The following FAM110B variants were observed in gnomAD, a reference collection of about 807,000 sequenced individuals.
FAM110B encodes family with sequence similarity 110 member B, also known as protein FAM110B.
A neutral mutation model predicts 20.4 loss-of-function variants in FAM110B; 6 were observed. The observed-to-expected ratio is 0.29, with a 90% CI of 0.16 to 0.58. The LOEUF (loss-of-function observed/expected upper bound fraction) is 0.58. FAM110B is among the 20% of genes least tolerant of loss of function. The pLI, the probability that FAM110B is intolerant of heterozygous loss-of-function variation, is 0.90. For synonymous variants in FAM110B, 226 were observed against 214.1 expected (o/e 1.06, Z -0.49); for missense variants, 434 against 498.2 (o/e 0.87, Z 1.23).
chr8:58,031,253 A>G (rs1804956020), intron 1 of FAM110B: 1 of 152,204 alleles, frequency 6.6e-6, no homozygotes, highest in African/African-American at 2.4e-5. Context: ...AGGAGGCTCC[A>G]TCATTTTCTG....
chr8:58,109,002 A>G (rs1403367773), intron 3 of FAM110B, among the ~76,000 whole-genome samples: 1 of 152,148 alleles, frequency 6.6e-6, no homozygotes, highest in Non-Finnish European at 1.5e-5. Flanking sequence ...TCGGTGAGGA[A>G]ACTCAACTAC....
chr8:58,122,642 G>A (rs894530288), intron 3 of FAM110B, among the ~76,000 whole-genome samples: 15 of 151,960 alleles, frequency 9.9e-5, no homozygotes, highest in African/African-American at 1.9e-4. Context: ...TTTTAAGTGC[G>A]TTTGCTTTTT....
chr8:58,106,942 G>A (rs972995211), intron 3 of FAM110B, among the ~76,000 whole-genome samples: 3 of 152,082 alleles, frequency 2.0e-5, no homozygotes, highest in African/African-American at 4.8e-5. Flanking sequence ...GAGTTTTAAC[G>A]CTTTGACAAA....
intron 2 of FAM110B, among the ~76,000 whole-genome samples, chr8:58,045,351 G>T (rs1201374678): frequency 6.6e-6 from 1 of 152,194 alleles, no homozygotes; most frequent in Non-Finnish European, 1.5e-5. Flanking sequence ...GAGGATTTAA[G>T]CATCTTGAGG....
rs575664765 is a variant in FAM110B at position 58,030,896 on chromosome 8, C to T, written c.-511-710C>T. ...ATCTCCAAGTGCAGCGAAAGCAGAA[C>T]ATGTCCAGCAGAAGCAGCTTTCCTC... On this transcript the variant is annotated intron_variant, in intron 1 of 3. Transcript: ENST00000519262. Among the ~76,000 whole-genome samples, 45 of 152,282 alleles carry T rather than the reference C, an allele frequency of 3.0e-4. 2 individuals are homozygous for T. The South Asian group carries it at 8.9e-3, about 30-fold the overall frequency.
chr8:58,134,038 T>C (rs1803553127), intron 3 of FAM110B, among the ~76,000 whole-genome samples: 1 of 152,254 alleles, frequency 6.6e-6, no homozygotes, highest in South Asian at 2.1e-4. Context: ...AAATATGTGC[T>C]GCAATAAATA....
intron 1 of FAM110B, among the ~76,000 whole-genome samples, chr8:58,011,701 G>A (rs1383633045): frequency 1.3e-5 from 2 of 152,092 alleles, no homozygotes; most frequent in African/African-American, 2.4e-5. Context: ...TCTCTTCCAC[G>A]CCAGCAAACC....
rs60027491 is a variant in FAM110B at position 58,103,002 on chromosome 8, G to GAAA, written c.-325+27399_-325+27401dup. ...TATTATATAGTACAATGCTTGTTAT[G>GAAA]AAAAAAAAAAAAAAAAAAAAAAGGC... On this transcript the variant is annotated intron_variant, in intron 3 of 3. Transcript: ENST00000519262. Among the ~76,000 whole-genome samples, 461 of 99,194 alleles carry GAAA rather than the reference G, an allele frequency of 4.6e-3. 9 individuals carry two copies. Among genetic ancestry groups the GAAA allele is most frequent in the South Asian group, 0.021 (50 of 2,372 alleles). 65.1% of individuals were successfully genotyped at this position (99,194 alleles called of 152,430 possible). A position where few individuals can be genotyped will look rare whatever the true frequency, so the allele number is the denominator to read the frequency against.
At chr8:58,053,183 G>A (rs1805488071) in intron 2 of FAM110B, among the ~76,000 whole-genome samples, 1 of 152,150 alleles carries the variant, frequency 6.6e-6, no homozygotes, top group Admixed American at 6.5e-5. Flanking sequence ...GCAGAAGTGA[G>A]GTGCTGTGTT....
intron 3 of FAM110B, among the ~76,000 whole-genome samples, chr8:58,136,150 T>C (rs567165668): frequency 1.1e-4 from 17 of 152,078 alleles, no homozygotes; most frequent in African/African-American, 3.6e-4. Flanking sequence ...TAGCTGGGAT[T>C]ACAGGCACGT....
At position 58,147,454 on chromosome 8, in the gene FAM110B, T is replaced by C; in HGVS notation, c.*111T>C. The C allele has an allele frequency of 7.5e-7, 1 of 1,330,504 alleles. No individual in the cohort carries two copies. The highest frequency in any genetic ancestry group is 1.0e-6 in the Non-Finnish European group (1 of 974,276). The allele number at this position is 1,330,504 out of a possible 1,614,324, so 82.4% of individuals were successfully genotyped here. On this transcript the variant is annotated 3_prime_UTR_variant, in exon 4 of 4. Coordinates refer to ENST00000519262, the MANE Select transcript of FAM110B (RefSeq NM_001377989.1). ...TCTCCACTCTTTGTGTTGCTTGTTGTGCAATGTTTTCAAGTTGCATGCTTG... is the reference window on the plus strand; with the variant it reads ...TCTCCACTCTTTGTGTTGCTTGTTGCGCAATGTTTTCAAGTTGCATGCTTG...
intron 2 of FAM110B, among the ~76,000 whole-genome samples, chr8:58,046,599 A>T (rs1378615233): frequency 6.6e-6 from 1 of 152,250 alleles, no homozygotes; most frequent in South Asian, 2.1e-4. Flanking sequence ...GTACATAGGT[A>T]TGTAATTTCT....
chr8:58,031,364 C>T (rs1804959036), intron 1 of FAM110B: 1 of 152,140 alleles, frequency 6.6e-6, no homozygotes, highest in Non-Finnish European at 1.5e-5. Flanking sequence ...AATACACAGG[C>T]TCTCATTTAG....
chr8:58,133,852 A>G (rs567217014), intron 3 of FAM110B, among the ~76,000 whole-genome samples: 1 of 152,336 alleles, frequency 6.6e-6, no homozygotes, highest in African/African-American at 2.4e-5. Context: ...AAGGAGCTTA[A>G]TGGCAGAGCT....
chr8:58,083,115 T>G (rs966217787), intron 3 of FAM110B, among the ~76,000 whole-genome samples: 4 of 152,216 alleles, frequency 2.6e-5, no homozygotes, highest in African/African-American at 4.8e-5. Flanking sequence ...TCTATCTTTT[T>G]GCTCACTGCC....
intron 2 of FAM110B, among the ~76,000 whole-genome samples, chr8:58,036,894 T>TCTCCAAGTA (rs1805084755): frequency 6.6e-6 from 1 of 152,210 alleles, no homozygotes. Context: ...GAATTTTTCT[T>TCTCCAAGTA]CTCCAAGTAC....
At chr8:58,006,402 A>C (rs1804401682) in intron 1 of FAM110B, among the ~76,000 whole-genome samples, 1 of 152,080 alleles carries the variant, frequency 6.6e-6, no homozygotes, top group Non-Finnish European at 1.5e-5. Flanking sequence ...GGCCTAAGGG[A>C]CTGTGACAGT....
chr8:58,132,144 C>A (rs1046740248), intron 3 of FAM110B, among the ~76,000 whole-genome samples: 1 of 151,768 alleles, frequency 6.6e-6, no homozygotes, highest in Non-Finnish European at 1.5e-5. Context: ...ATTGTCACTG[C>A]CTCATATTGG....
intron 1 of FAM110B, among the ~76,000 whole-genome samples, chr8:58,000,632 C>T (rs887411461): frequency 2.6e-5 from 4 of 152,148 alleles, no homozygotes; most frequent in Admixed American, 6.5e-5. Context: ...ACATGTTAGT[C>T]AGTTTACTTT....
Sources: gnomAD v4.1 joint callset for allele counts (sites outside exome capture counted in the v4.1 genomes callset) on GRCh38, gnomAD v4.1.1 for gene constraint, MANE v1.5 for transcripts, NCBI Gene and HGNC (gene_info 2026-07-23, HGNC 2026-07-21) for gene names.